Variants in PLPP1 observed in about 807,000 individuals in gnomAD.
The protein encoded by PLPP1 is phospholipid phosphatase 1.
A neutral mutation model predicts 31.2 loss-of-function variants in PLPP1; 24 were observed. The observed-to-expected ratio is 0.77, with a 90% CI of 0.56 to 1.08. The LOEUF (loss-of-function observed/expected upper bound fraction) is 1.08, where lower values mean the gene tolerates loss of function less well. Ranked by LOEUF, PLPP1 falls within the 50% of genes least tolerant of loss-of-function variation. The pLI is 0.00. For missense variants in PLPP1, 319 were observed against 342.7 expected (o/e 0.93, Z 0.55); for synonymous variants, 146 against 126.3 (o/e 1.16, Z -1.05).
intron 3 of PLPP1, among the ~76,000 whole-genome samples, chr5:55,460,970 C>T (rs566431021): frequency 3.9e-5 from 6 of 152,136 alleles, no homozygotes; most frequent in African/African-American, 9.6e-5. Context: ...AGATCAGTTG[C>T]GACAAGGAGT....
chr5:55,454,379 T>G (rs1306275499), intron 3 of PLPP1, among the ~76,000 whole-genome samples: 3 of 152,174 alleles, frequency 2.0e-5, no homozygotes, highest in Non-Finnish European at 4.4e-5. Context: ...AGAAATTCTG[T>G]ATCAACAAAA....
Position 55,424,983 on chromosome 5 carries a change from G to T in PLPP1, c.*223C>A. ...TAAAAATGTATACAGGTGGGGCACT[G>T]TTTTGGTGGAAGGCTTGGAGTTTTT... On this transcript the variant is annotated 3_prime_UTR_variant, in exon 6 of 6. Coordinates refer to ENST00000307259, the MANE Select transcript of PLPP1 (RefSeq NM_003711.4). 1 of 671,324 alleles carries T rather than the reference G, an allele frequency of 1.5e-6. No homozygotes were observed. Among genetic ancestry groups the T allele is most frequent in the Non-Finnish European group, 2.4e-6 (1 of 408,506 alleles). The allele number at this position is 671,324 out of a possible 1,614,324, so 41.6% of individuals were successfully genotyped here.
chr5:55,506,840 GAAGTA>G (rs1163483327), intron 1 of PLPP1, among the ~76,000 whole-genome samples: 2 of 152,146 alleles, frequency 1.3e-5, no homozygotes, highest in African/African-American at 4.8e-5. Context: ...TCAAAGGTTA[GAAGTA>G]AATAAAATTT....
intron 1 of PLPP1, among the ~76,000 whole-genome samples, chr5:55,494,273 T>C (rs1166963849): frequency 2.0e-5 from 3 of 151,756 alleles, no homozygotes; most frequent in Non-Finnish European, 2.9e-5. Context: ...AGTGTGTAGA[T>C]AGTGGAAACA....
At chr5:55,499,222 G>A (rs762014180) in intron 1 of PLPP1, among the ~76,000 whole-genome samples, 5 of 152,122 alleles carry the variant, frequency 3.3e-5, no homozygotes, top group Non-Finnish European at 5.9e-5. Flanking sequence ...CTGTATCATA[G>A]ATTACACACC....
chr5:55,515,437 TCA>T, intron 1 of PLPP1, among the ~76,000 whole-genome samples: 1 of 152,350 alleles, frequency 6.6e-6, no homozygotes, highest in East Asian at 1.9e-4. Flanking sequence ...GCACATGTAT[TCA>T]CTCAGCCAAT....
chr5:55,448,671 C>T (rs897644235), intron 3 of PLPP1, among the ~76,000 whole-genome samples: 2 of 152,108 alleles, frequency 1.3e-5, no homozygotes, highest in Non-Finnish European at 2.9e-5. Flanking sequence ...TGGTCTCAAA[C>T]TCCTGACCTC....
chr5:55,437,267 T>C (rs1344310798), intron 4 of PLPP1, among the ~76,000 whole-genome samples: 1 of 152,212 alleles, frequency 6.6e-6, no homozygotes, highest in Non-Finnish European at 1.5e-5. Flanking sequence ...AACGAGATAT[T>C]TTTTGAAGCT....
At chr5:55,471,234 C>T (rs149350180) in intron 2 of PLPP1, among the ~76,000 whole-genome samples, 8,546 of 146,198 alleles carry the variant, frequency 0.058, 438 homozygotes, top group African/African-American at 0.12. Context: ...CGGAGTCTTG[C>T]TCTGTCGCCC....
intron 3 of PLPP1, among the ~76,000 whole-genome samples, chr5:55,456,724 G>GC (rs904174532): frequency 6.6e-6 from 1 of 152,118 alleles, no homozygotes; most frequent in African/African-American, 2.4e-5. Flanking sequence ...TCTGAAATTG[G>GC]CAACAACTGA....
chr5:55,446,578 A>T (rs1008563805), intron 3 of PLPP1, among the ~76,000 whole-genome samples: 7 of 152,282 alleles, frequency 4.6e-5, no homozygotes, highest in Non-Finnish European at 8.8e-5. Context: ...AGGTCCATTT[A>T]TATTAGAATG....
intron 1 of PLPP1, among the ~76,000 whole-genome samples, chr5:55,525,859 C>CT (rs1020452682): frequency 7.0e-4 from 103 of 147,922 alleles, no homozygotes; most frequent in African/African-American, 1.4e-3. Flanking sequence ...ATGGCAAATG[C>CT]TTTTTTTTTT....
At chr5:55,486,458 C>T (rs1295179759) in intron 1 of PLPP1, among the ~76,000 whole-genome samples, 2 of 151,774 alleles carry the variant, frequency 1.3e-5, no homozygotes, top group Non-Finnish European at 2.9e-5. Context: ...TGGTGGCACA[C>T]GCCTGTAGTC....
intron 3 of PLPP1, among the ~76,000 whole-genome samples, chr5:55,458,906 A>AAAAAAC (rs1561231040): frequency 6.9e-6 from 1 of 144,080 alleles, no homozygotes; most frequent in East Asian, 2.0e-4. Flanking sequence ...AAAAAAAAAA[A>AAAAAAC]AAAAAAAAAA....
intron 1 of PLPP1, among the ~76,000 whole-genome samples, chr5:55,496,585 G>A (rs1319735446): frequency 1.3e-5 from 2 of 152,146 alleles, no homozygotes; most frequent in East Asian, 3.8e-4. Flanking sequence ...ACCTATTTGT[G>A]AATACTTGTT....
At chr5:55,512,547 A>AG (rs1753454448) in intron 1 of PLPP1, among the ~76,000 whole-genome samples, 1 of 53,886 alleles carries the variant, frequency 1.9e-5, no homozygotes, top group African/African-American at 4.4e-5. Context: ...AAAGAAAGAA[A>AG]GAAAGAAAGA....
At chr5:55,490,842 A>G (rs974144885) in intron 1 of PLPP1, 1 of 1,125,472 alleles carries the variant, frequency 8.9e-7, no homozygotes, top group Non-Finnish European at 1.2e-6. Flanking sequence ...TCAAGCAATC[A>G]TTCACCATAT....
chr5:55,434,206 A>G (rs554895908), intron 4 of PLPP1, among the ~76,000 whole-genome samples: 43 of 152,074 alleles, frequency 2.8e-4, no homozygotes, highest in African/African-American at 9.9e-4. Context: ...AAAGACACCT[A>G]GGGATCTATT....
At chr5:55,471,788 A>T (rs1208213929) in intron 2 of PLPP1, among the ~76,000 whole-genome samples, 1 of 152,202 alleles carries the variant, frequency 6.6e-6, no homozygotes, top group Non-Finnish European at 1.5e-5. Flanking sequence ...ATTGCCTGAA[A>T]GAGGCTGAGT....
Sources: allele counts gnomAD v4.1 joint callset (sites outside exome capture counted in the v4.1 genomes callset), GRCh38; gene constraint gnomAD v4.1.1; transcripts MANE v1.5; gene names NCBI Gene and HGNC (gene_info 2026-07-23, HGNC 2026-07-21).